CDH20: variants seen among roughly 807,000 people sequenced by gnomAD.
CDH20 encodes the protein cadherin-20.
A neutral mutation model predicts 74.2 loss-of-function variants in CDH20; 29 were observed. That is an observed-to-expected ratio of 0.39 (90% CI 0.29 to 0.53). The LOEUF (loss-of-function observed/expected upper bound fraction) is 0.53, where lower values mean the gene tolerates loss of function less well. CDH20 is among the 20% of genes least tolerant of loss of function. The pLI, the probability that CDH20 is intolerant of heterozygous loss-of-function variation, is 0.69. For missense variants in CDH20, 988 were observed against 1,048.3 expected (o/e 0.94, Z 0.79); for synonymous variants, 469 against 405.4 (o/e 1.16, Z -1.88).
chr18:61,475,757 T>C (rs1293519239), intron 1 of CDH20, among the ~76,000 whole-genome samples: 1 of 152,210 alleles, frequency 6.6e-6, no homozygotes, highest in Non-Finnish European at 1.5e-5. Context: ...ACCATCAGGA[T>C]GTTTTCTCTT....
At chr18:61,503,519 G>C (rs966729143) in intron 5 of CDH20, among the ~76,000 whole-genome samples, 2 of 152,106 alleles carry the variant, frequency 1.3e-5, no homozygotes, top group Non-Finnish European at 2.9e-5. Context: ...TTGCCCCCAG[G>C]GGGCCATATT....
intron 1 of CDH20, among the ~76,000 whole-genome samples, chr18:61,474,751 G>A (rs1338627483): frequency 1.3e-5 from 2 of 152,174 alleles, no homozygotes; most frequent in South Asian, 4.1e-4. Flanking sequence ...AGGCTAGCAT[G>A]AAAAGCAACC....
chr18:61,493,011 C>A (rs1911014526), intron 2 of CDH20, among the ~76,000 whole-genome samples: 1 of 152,130 alleles, frequency 6.6e-6, no homozygotes, highest in African/African-American at 2.4e-5. Flanking sequence ...TATCCTTAAC[C>A]TGTAGTAGTA....
At chr18:61,354,746 T>C (rs1170377171) in intron 1 of CDH20, among the ~76,000 whole-genome samples, 1 of 152,212 alleles carries the variant, frequency 6.6e-6, no homozygotes, top group Admixed American at 6.5e-5. Context: ...ATATTGATAT[T>C]ATTTTTTCTA....
intron 1 of CDH20, among the ~76,000 whole-genome samples, chr18:61,458,926 C>T (rs1009345211): frequency 6.6e-6 from 1 of 152,196 alleles, no homozygotes; most frequent in African/African-American, 2.4e-5. Context: ...ACTAAAATGA[C>T]TGCAGTCCTT....
intron 1 of CDH20, among the ~76,000 whole-genome samples, chr18:61,479,151 G>C (rs977826434): frequency 1.3e-5 from 2 of 151,490 alleles, no homozygotes; most frequent in African/African-American, 4.9e-5. Context: ...TTGCTTATTT[G>C]AATATGTTCT....
intron 1 of CDH20, among the ~76,000 whole-genome samples, chr18:61,440,934 C>T (rs1044954045): frequency 6.6e-6 from 1 of 152,150 alleles, no homozygotes; most frequent in African/African-American, 2.4e-5. Flanking sequence ...GCTGCAGTCA[C>T]ATTGCAGAGT....
chr18:61,352,171 C>T (rs1309521454), intron 1 of CDH20, among the ~76,000 whole-genome samples: 1 of 152,166 alleles, frequency 6.6e-6, no homozygotes, highest in African/African-American at 2.4e-5. Context: ...GAACTGGAAA[C>T]ATGAAGAATA....
intron 1 of CDH20, among the ~76,000 whole-genome samples, chr18:61,413,559 T>G (rs1213464962): frequency 6.6e-6 from 1 of 152,148 alleles, no homozygotes; most frequent in East Asian, 1.9e-4. Flanking sequence ...GGGTCTTTTA[T>G]TCCAGTGAGT....
intron 8 of CDH20, among the ~76,000 whole-genome samples, chr18:61,538,602 G>GTTTTTTTTTTT (rs1227502362): frequency 5.9e-5 from 3 of 50,450 alleles, no homozygotes; most frequent in Non-Finnish European, 1.1e-4. Context: ...GTTTGTTTTT[G>GTTTTTTTTTTT]TTTTTGTTTT....
intron 8 of CDH20, among the ~76,000 whole-genome samples, chr18:61,538,622 T>TG (rs1409676710): frequency 7.5e-5 from 7 of 92,748 alleles, no homozygotes; most frequent in South Asian, 4.1e-4. Context: ...TTGTTTTTGT[T>TG]TTGTTTTTTT....
chr18:61,357,336 A>G (rs1448273835), intron 1 of CDH20, among the ~76,000 whole-genome samples: 4 of 152,200 alleles, frequency 2.6e-5, no homozygotes, highest in Non-Finnish European at 5.9e-5. Flanking sequence ...AATGGCTTAA[A>G]TATTCTAACC....
chr18:61,371,644 C>T (rs1005552014), intron 1 of CDH20, among the ~76,000 whole-genome samples: 11 of 151,956 alleles, frequency 7.2e-5, no homozygotes, highest in Non-Finnish European at 1.2e-4. Context: ...GACAGCTGCC[C>T]AGAGGGTTTG....
In CDH20 at chr18:61,462,071, C is replaced by T. The variant is rs115660245; in HGVS notation, c.-152-28331C>T. On this transcript the variant is annotated intron_variant, in intron 1 of 11. Transcript: ENST00000262717. ...TACTCTCAATCTTCCATCTGCTAGG[C>T]AAAAAGGGGAGGGGAGTGCAAAGGA... Among the ~76,000 whole-genome samples, 499 of 152,118 alleles carry T rather than the reference C, an allele frequency of 3.3e-3. 2 individuals are homozygous for T. Among genetic ancestry groups the T allele is most frequent in the African/African-American group, 0.012 (484 of 41,524 alleles).
intron 1 of CDH20, among the ~76,000 whole-genome samples, chr18:61,457,109 C>T (rs1851767561): frequency 6.6e-6 from 1 of 152,014 alleles, no homozygotes; most frequent in African/African-American, 2.4e-5. Context: ...CTGCTTGAAA[C>T]CTCTGTTTTT....
At chr18:61,340,670 T>C (rs1045515580) in intron 1 of CDH20, among the ~76,000 whole-genome samples, 2 of 152,224 alleles carry the variant, frequency 1.3e-5, no homozygotes, top group Non-Finnish European at 2.9e-5. Context: ...ATACACCCTT[T>C]ATCATATTCA....
chr18:61,541,824 C>T (rs1913050852), intron 9 of CDH20, among the ~76,000 whole-genome samples: 1 of 152,198 alleles, frequency 6.6e-6, no homozygotes, highest in Non-Finnish European at 1.5e-5. Flanking sequence ...ATAAAGAAAT[C>T]AGATAACATA....
intron 8 of CDH20, among the ~76,000 whole-genome samples, chr18:61,538,620 G>GTTTTTTTTTTTTTTTTTTTT (rs746315637): frequency 4.8e-5 from 2 of 41,566 alleles, no homozygotes; most frequent in African/African-American, 1.4e-4. Flanking sequence ...TTTTGTTTTT[G>GTTTTTTTTTTTTTTTTTTTT]TTTTGTTTTT....
At chr18:61,505,435 C>G (rs1269002263) in intron 5 of CDH20, among the ~76,000 whole-genome samples, 1 of 150,558 alleles carries the variant, frequency 6.6e-6, no homozygotes, top group Non-Finnish European at 1.5e-5. Context: ...CCCCCAGGCT[C>G]AAGCAATCCT....
Sources: gnomAD v4.1 joint callset for allele counts (sites outside exome capture counted in the v4.1 genomes callset) on GRCh38, gnomAD v4.1.1 for gene constraint, MANE v1.5 for transcripts, NCBI Gene and HGNC (gene_info 2026-07-23, HGNC 2026-07-21) for gene names.